Variants in SCHIP1 observed in about 807,000 individuals in gnomAD.
SCHIP1 encodes the protein schwannomin interacting protein 1, also known as schwannomin-interacting protein 1.
In SCHIP1, 8 loss-of-function variants were observed where a neutral mutation model predicts 29.7. That is an observed-to-expected ratio of 0.27 (90% CI 0.16 to 0.49). SCHIP1 has a LOEUF of 0.49. Ranked by LOEUF, SCHIP1 falls within the 20% of genes least tolerant of loss-of-function variation. The probability of loss-of-function intolerance (pLI) is 0.99; values close to 1 mark genes in which losing one functional copy is unlikely to be tolerated. For synonymous variants in SCHIP1, 76 were observed against 94.9 expected, an observed-to-expected ratio of 0.80 and a Z score of 1.16; for missense variants, 193 against 294.6, an observed-to-expected ratio of 0.66 and a Z score of 2.52.
At chr3:159,382,509 G>A in the SCHIP1 span, among the ~76,000 whole-genome samples, 1 of 152,006 alleles carries the variant, frequency 6.6e-6, no homozygotes, top group Non-Finnish European at 1.5e-5. Context: ...GTCTATCATT[G>A]TTGGATATTT....
the SCHIP1 span, among the ~76,000 whole-genome samples, chr3:159,694,548 GAAAGAAAGAAAGA>G: frequency 2.6e-5 from 1 of 38,442 alleles, no homozygotes; most frequent in East Asian, 8.6e-4. Flanking sequence ...AAGAAAGAAA[GAAAGAAAGAAAGA>G]AAGAAAGAAA....
At chr3:159,323,656 A>G in the SCHIP1 span, among the ~76,000 whole-genome samples, 1 of 152,232 alleles carries the variant, frequency 6.6e-6, no homozygotes, top group African/African-American at 2.4e-5. Flanking sequence ...CACACTGTGG[A>G]AATAAAGACC....
At chr3:159,839,628 C>CTTTTTTTTTTT (rs3068349), upstream of SCHIP1, among the ~76,000 whole-genome samples, 8 of 71,710 alleles carry the variant, frequency 1.1e-4, no homozygotes, top group African/African-American at 1.7e-4. Context: ...AGGTCTTTTT[C>CTTTTTTTTTTT]TTTTTTTTTT....
the SCHIP1 span, among the ~76,000 whole-genome samples, chr3:159,321,031 C>T: frequency 6.6e-6 from 1 of 152,174 alleles, no homozygotes; most frequent in Non-Finnish European, 1.5e-5. Context: ...GTGGCACGAT[C>T]TCAGCTCACT....
At chr3:159,590,795 G>T in the SCHIP1 span, among the ~76,000 whole-genome samples, 1 of 152,108 alleles carries the variant, frequency 6.6e-6, no homozygotes, top group Non-Finnish European at 1.5e-5. Context: ...TAGAGATTTA[G>T]GTTGGAGTTC....
chr3:159,343,255 T>G, the SCHIP1 span, among the ~76,000 whole-genome samples: 1 of 152,246 alleles, frequency 6.6e-6, no homozygotes, highest in Non-Finnish European at 1.5e-5. Context: ...CCTTCTCCAG[T>G]GTATTTTATG....
the SCHIP1 span, among the ~76,000 whole-genome samples, chr3:159,493,298 C>T: frequency 6.6e-6 from 1 of 152,164 alleles, no homozygotes; most frequent in African/African-American, 2.4e-5. Context: ...TTAAAAAGCA[C>T]ATACTGGCAA....
chr3:159,825,119 A>G, the SCHIP1 span, among the ~76,000 whole-genome samples: 1 of 152,300 alleles, frequency 6.6e-6, no homozygotes, highest in East Asian at 1.9e-4. Context: ...TGGCAATATT[A>G]AGTTATTTGT....
the SCHIP1 span, among the ~76,000 whole-genome samples, chr3:159,803,051 C>T: frequency 2.6e-5 from 4 of 152,258 alleles, no homozygotes; most frequent in East Asian, 7.7e-4. Flanking sequence ...TCACACGTGA[C>T]ACCTCTGCTT....
At chr3:159,576,205 T>C in the SCHIP1 span, among the ~76,000 whole-genome samples, 1 of 152,228 alleles carries the variant, frequency 6.6e-6, no homozygotes, top group Admixed American at 6.5e-5. Context: ...CATTTCAAAA[T>C]ATCACTTCAT....
chr3:159,685,045 A>T, the SCHIP1 span, among the ~76,000 whole-genome samples: 54 of 152,244 alleles, frequency 3.5e-4, no homozygotes, highest in African/African-American at 1.3e-3. Context: ...CTTAAATTAT[A>T]CTTGTCTCAG....
chr3:159,550,148 G>A, the SCHIP1 span, among the ~76,000 whole-genome samples: 1 of 110,298 alleles, frequency 9.1e-6, no homozygotes, highest in African/African-American at 3.0e-5. Context: ...ATATGTGTGT[G>A]GGAGGCTTCA....
intron 1 of SCHIP1, among the ~76,000 whole-genome samples, chr3:159,851,170 A>C (rs1394616809): frequency 2.0e-5 from 3 of 152,188 alleles, no homozygotes; most frequent in Admixed American, 2.0e-4. Context: ...TATACTATCT[A>C]GTCCCAGCTA....
the SCHIP1 span, among the ~76,000 whole-genome samples, chr3:159,383,530 G>A: frequency 6.6e-6 from 1 of 151,062 alleles, no homozygotes; most frequent in Non-Finnish European, 1.5e-5. Flanking sequence ...ATAGTTTGAA[G>A]TCAGGTAGTG....
chr3:159,649,791 G>C, the SCHIP1 span, among the ~76,000 whole-genome samples: 1 of 152,066 alleles, frequency 6.6e-6, no homozygotes, highest in African/African-American at 2.4e-5. Context: ...TCAATGTTAT[G>C]GTTCAGATTA....
At chr3:159,464,424 A>C in the SCHIP1 span, among the ~76,000 whole-genome samples, 2 of 152,182 alleles carry the variant, frequency 1.3e-5, no homozygotes, top group African/African-American at 4.8e-5. Context: ...CTGGCACTAA[A>C]TGTTTCTTAA....
At chr3:159,681,222 CA>C in the SCHIP1 span, among the ~76,000 whole-genome samples, 35 of 150,972 alleles carry the variant, frequency 2.3e-4, no homozygotes, top group Non-Finnish European at 1.2e-4. Context: ...TGAGTGAGCA[CA>C]GCCACAGTTT....
the SCHIP1 span, among the ~76,000 whole-genome samples, chr3:159,435,998 C>T: frequency 6.6e-6 from 1 of 152,034 alleles, no homozygotes; most frequent in East Asian, 1.9e-4. Context: ...TGATAAGAAC[C>T]TCCTAAGTGT....
chr3:159,885,579 G>T (rs891390959), intron 2 of SCHIP1, among the ~76,000 whole-genome samples: 2 of 152,182 alleles, frequency 1.3e-5, no homozygotes, highest in African/African-American at 4.8e-5. Flanking sequence ...GCAGAACCTT[G>T]CTGTGTTCTA....
Sources: allele counts gnomAD v4.1 joint callset (sites outside exome capture counted in the v4.1 genomes callset), GRCh38; gene constraint gnomAD v4.1.1; transcripts MANE v1.5; gene names NCBI Gene and HGNC (gene_info 2026-07-23, HGNC 2026-07-21).